Variants in ARHGEF33 observed in about 807,000 individuals in gnomAD.
ARHGEF33 encodes DH and coiled-coil domain-containing protein ENSP00000381780.
In ARHGEF33, 72 loss-of-function variants were observed where a neutral mutation model predicts 101.9. That is an observed-to-expected ratio of 0.71 (90% CI 0.58 to 0.86). ARHGEF33 has a LOEUF of 0.86. Ranked by LOEUF, ARHGEF33 falls within the 40% of genes least tolerant of loss-of-function variation. The probability of loss-of-function intolerance (pLI) is 0.00; values close to 1 mark genes in which losing one functional copy is unlikely to be tolerated. For synonymous variants in ARHGEF33, 499 were observed against 442.5 expected (o/e 1.13, Z -1.60); for missense variants, 1,169 against 1,111.3 (o/e 1.05, Z -0.74).
intron 9 of ARHGEF33, among the ~76,000 whole-genome samples, chr2:38,940,134 A>T (rs1203769725): frequency 6.6e-6 from 1 of 152,200 alleles, no homozygotes; most frequent in East Asian, 1.9e-4. Context: ...TCCTTTTAAA[A>T]ATTCCAATTA....
intron 10 of ARHGEF33, among the ~76,000 whole-genome samples, chr2:38,944,667 A>G (rs979057463): frequency 1.3e-5 from 2 of 152,180 alleles, no homozygotes; most frequent in Admixed American, 6.5e-5. Flanking sequence ...TAAAGGGGGA[A>G]CAAATGCTAC....
intron 2 of ARHGEF33, among the ~76,000 whole-genome samples, chr2:38,909,088 G>A (rs2124984616): frequency 6.6e-6 from 1 of 152,292 alleles, no homozygotes; most frequent in South Asian, 2.1e-4. Flanking sequence ...ATACCCCTTA[G>A]TTGCTCACAG....
In ARHGEF33 at chr2:38,954,356, AC is replaced by A; in HGVS notation, c.1138-15del. The A allele has an allele frequency of 6.7e-7, 1 of 1,487,700 alleles. No homozygotes were observed. Among genetic ancestry groups the A allele is most frequent in the Non-Finnish European group, 9.2e-7 (1 of 1,089,038 alleles). The allele number at this position is 1,487,700 out of a possible 1,614,324, so 92.2% of individuals were successfully genotyped here. ...TGGAGGAACACTGAAGAGTAACTTG[AC>A]CTTTCTTTCATTCAGGGTGATGAAG... On this transcript the variant is annotated splice_polypyrimidine_tract_variant and intron_variant, in intron 12 of 17. Transcript: ENST00000409978.
intron 7 of ARHGEF33, among the ~76,000 whole-genome samples, chr2:38,934,185 C>A (rs1243881164): frequency 6.6e-6 from 1 of 152,040 alleles, no homozygotes; most frequent in African/African-American, 2.4e-5. Flanking sequence ...CCCTTGATAC[C>A]CACCTTCTTG....
intron 2 of ARHGEF33, among the ~76,000 whole-genome samples, chr2:38,910,817 CT>C (rs940032594): frequency 1.3e-5 from 2 of 152,096 alleles, no homozygotes; most frequent in South Asian, 2.1e-4. Context: ...GAATTGATAC[CT>C]TTTTTTAGTG....
intron 2 of ARHGEF33, among the ~76,000 whole-genome samples, chr2:38,915,382 CTTTT>C (rs35975491): frequency 8.9e-6 from 1 of 112,418 alleles, no homozygotes; most frequent in Admixed American, 9.4e-5. Context: ...TTTTTATTGA[CTTTT>C]TTTTTTTTTT....
Position 38,929,090 on chromosome 2 carries a change from T to C in ARHGEF33, c.240+19T>C. On this transcript the variant is annotated intron_variant, in intron 5 of 17. Coordinates refer to ENST00000409978, the MANE Select transcript of ARHGEF33 (RefSeq NM_001145451.5). ...TTTCAAGGTAGGCCTCTCTTTAATT[T>C]CCCTGCTGACAAGAGAATTTTGGTC... 6.5e-7 allele frequency: 1 copy of C among 1,536,836 alleles called. No individual in the cohort carries two copies. The highest frequency in any genetic ancestry group is 1.2e-5 in the South Asian group (1 of 81,946).
rs145789710 is a variant in ARHGEF33 at position 38,933,382 on chromosome 2, G to GT, written c.505+2141dup. Among the ~76,000 whole-genome samples, 955 of 148,040 alleles carry GT rather than the reference G, an allele frequency of 6.5e-3. 5 individuals are homozygous for GT. The highest frequency in any genetic ancestry group is 0.019 in the African/African-American group (760 of 40,488). On this transcript the variant is annotated intron_variant, in intron 7 of 17. Transcript: ENST00000409978. ...AAGCCACAGTGGGTTTTTTTGTTTT[G>GT]TTTTTTTTTTCTTTTTTTGAAACAG...
intron 1 of ARHGEF33, among the ~76,000 whole-genome samples, chr2:38,892,476 C>A (rs985301413): frequency 6.6e-6 from 1 of 152,044 alleles, no homozygotes; most frequent in Non-Finnish European, 1.5e-5. Flanking sequence ...CCATAACACC[C>A]GGGCAAAGGA....
In ARHGEF33 at chr2:38,929,586, A is replaced by C. The variant is rs1275779778; in HGVS notation, c.241-123A>C. 3.9e-6 allele frequency: 3 copies of C among 760,674 alleles called. No individual in the cohort carries two copies. The East Asian group carries it at 9.9e-5, about 25-fold the overall frequency. 47.1% of individuals were successfully genotyped at this position (760,674 alleles called of 1,614,324 possible). On this transcript the variant is annotated intron_variant, in intron 5 of 17. Coordinates refer to ENST00000409978, the MANE Select transcript of ARHGEF33 (RefSeq NM_001145451.5). ...AGGCCACGATGGAAGTAAATTTTTT[A>C]ATCTCTCATTCATTCATTCATTCAT...
At chr2:38,942,468 C>CTTTT (rs58695451) in intron 9 of ARHGEF33, among the ~76,000 whole-genome samples, 156 of 132,778 alleles carry the variant, frequency 1.2e-3, no homozygotes, top group East Asian at 2.2e-3. Flanking sequence ...CCCCTCTTAT[C>CTTTT]TTTTTTTTTT....
At chr2:38,943,053 G>A (rs1002547412) in intron 9 of ARHGEF33, among the ~76,000 whole-genome samples, 3 of 152,076 alleles carry the variant, frequency 2.0e-5, no homozygotes, top group Non-Finnish European at 4.4e-5. Context: ...TCAGACTCCC[G>A]AGTAGCTGGG....
intron 14 of ARHGEF33, 24 bp from the exon 15 acceptor site, chr2:38,958,010 G>T: frequency 6.4e-7 from 1 of 1,551,994 alleles, no homozygotes; most frequent in Admixed American, 2.0e-5. Context: ...TACAACCTGA[G>T]AACTGTTATT....
chr2:38,963,983 T>G (rs947855889), intron 16 of ARHGEF33, among the ~76,000 whole-genome samples: 1 of 152,188 alleles, frequency 6.6e-6, no homozygotes. Context: ...CGTTGTAATA[T>G]ATAATGAAAT....
chr2:38,956,809 T>C, intron 13 of ARHGEF33, 90 bp from the exon 14 acceptor site: 2 of 1,420,436 alleles, frequency 1.4e-6, no homozygotes, highest in South Asian at 2.6e-5. Flanking sequence ...GCTATGAATC[T>C]CCCACAATAG....
rs201268509 is a variant in ARHGEF33 at position 38,957,242 on chromosome 2, C to CA, written c.1370+203dup. On this transcript the variant is annotated intron_variant, in intron 14 of 17. Transcript: ENST00000409978. ...GACTACCCAGTGGAAATTATTTTAG[C>CA]AAAAAAAACACTTCACTCTACTGCT... Among the ~76,000 whole-genome samples, 11 of 151,608 alleles carry CA rather than the reference C, an allele frequency of 7.3e-5. No homozygotes were observed. The East Asian group carries it at 1.4e-3, about 19-fold the overall frequency.
rs74795259 is a variant in ARHGEF33, at chr2:38,931,461, G to A, written c.505+210G>A. 5.9e-3 allele frequency among the ~76,000 whole-genome samples: 904 copies of A among 152,010 alleles called. 63 individuals carry two copies. In the East Asian group the frequency reaches 0.13, roughly 23 times the overall value. On this transcript the variant is annotated intron_variant, in intron 7 of 17. Transcript: ENST00000409978. ...AATATTTTTTTTTTGGTGTGTGGTC[G>A]GGGGAATACTAATCTGGATACTTCT...
intron 1 of ARHGEF33, among the ~76,000 whole-genome samples, chr2:38,894,325 C>A (rs886712663): frequency 7.3e-6 from 1 of 137,344 alleles, no homozygotes; most frequent in African/African-American, 2.5e-5. Context: ...GAGAGAAAAC[C>A]TGCCTTTAAA....
At chr2:38,900,673 G>A (rs965851794) in intron 2 of ARHGEF33, among the ~76,000 whole-genome samples, 2 of 152,162 alleles carry the variant, frequency 1.3e-5, no homozygotes, top group African/African-American at 4.8e-5. Flanking sequence ...GATTAGAGGA[G>A]CAGTCCCATA....
Sources: gnomAD v4.1 joint callset for allele counts (sites outside exome capture counted in the v4.1 genomes callset) on GRCh38, gnomAD v4.1.1 for gene constraint, MANE v1.5 for transcripts, NCBI Gene and HGNC (gene_info 2026-07-23, HGNC 2026-07-21) for gene names.